RALGAPA2: variants seen among roughly 807,000 people sequenced by gnomAD.
RALGAPA2 encodes ral GTPase-activating protein subunit alpha-2.
RALGAPA2 carries 139 observed loss-of-function variants against 230.4 expected under a neutral mutation model. The ratio of observed to expected loss-of-function variants is 0.60; its 90% CI spans 0.53 to 0.69. The LOEUF is 0.69. RALGAPA2 is among the 30% of genes least tolerant of loss of function. RALGAPA2 has a pLI of 0.00. For missense variants in RALGAPA2, 2,163 were observed against 2,276.0 expected (o/e 0.95, Z 1.01); for synonymous variants, 847 against 837.8 (o/e 1.01, Z -0.19).
intron 37 of RALGAPA2, among the ~76,000 whole-genome samples, chr20:20,459,518 T>A (rs1339040092): frequency 6.6e-6 from 1 of 151,310 alleles, no homozygotes; most frequent in Non-Finnish European, 1.5e-5. Flanking sequence ...GCAGGTGTCC[T>A]CACCCACTAA....
intron 23 of RALGAPA2, among the ~76,000 whole-genome samples, chr20:20,560,957 C>G (rs1203683328): frequency 5.9e-5 from 9 of 152,186 alleles, no homozygotes; most frequent in Admixed American, 5.9e-4. Context: ...CATCAGAAAC[C>G]CGTTTCATGG....
In RALGAPA2 at chr20:20,531,654, T is replaced by C. The variant is rs772171195; in HGVS notation, c.3582+33A>G. ...ACTGTTAAATGCCTCAGATATGGCT[T>C]AATATCCAATCAGCACCACAAACTG... On this transcript the variant is annotated intron_variant, in intron 27 of 39. Transcript: ENST00000202677. 8.0e-6 allele frequency: 12 copies of C among 1,491,450 alleles called. No homozygotes were observed. The South Asian group carries it at 8.3e-5, about 10-fold the overall frequency. The allele number at this position is 1,491,450 out of a possible 1,614,324, so 92.4% of individuals were successfully genotyped here. A position where few individuals can be genotyped will look rare whatever the true frequency, so the allele number is the denominator to read the frequency against.
chr20:20,618,114 G>A (rs1346913673), intron 12 of RALGAPA2, among the ~76,000 whole-genome samples: 3 of 152,194 alleles, frequency 2.0e-5, no homozygotes, highest in East Asian at 1.9e-4. Context: ...ATTTAAAGTC[G>A]CCATTTCCAA....
At chr20:20,523,310 G>C (rs1024997869) in intron 30 of RALGAPA2, among the ~76,000 whole-genome samples, 1 of 152,062 alleles carries the variant, frequency 6.6e-6, no homozygotes, top group Non-Finnish European at 1.5e-5. Context: ...GGGAAGGGAT[G>C]GGGGGTTAAC....
chr20:20,705,376 C>T (rs983428877), intron 1 of RALGAPA2, among the ~76,000 whole-genome samples: 1 of 149,508 alleles, frequency 6.7e-6, no homozygotes, highest in Non-Finnish European at 1.5e-5. Context: ...CAGCTAATTT[C>T]TTCATTTTTT....
intron 31 of RALGAPA2, among the ~76,000 whole-genome samples, chr20:20,520,266 T>A (rs1015283563): frequency 7.2e-5 from 11 of 152,186 alleles, no homozygotes; most frequent in African/African-American, 2.4e-4. Context: ...TGTTTGGTTC[T>A]ATGCAATTTT....
At chr20:20,456,339 A>G (rs908569950) in intron 37 of RALGAPA2, among the ~76,000 whole-genome samples, 5 of 152,254 alleles carry the variant, frequency 3.3e-5, no homozygotes, top group African/African-American at 1.2e-4. Flanking sequence ...CTTGCTGACC[A>G]GTGGAGGGGC....
chr20:20,446,306 A>G (rs1279519574), intron 37 of RALGAPA2, among the ~76,000 whole-genome samples: 1 of 152,226 alleles, frequency 6.6e-6, no homozygotes, highest in Non-Finnish European at 1.5e-5. Context: ...ATGAAAAAAC[A>G]TTCTGAATAT....
chr20:20,447,062 G>A (rs2060880844), intron 37 of RALGAPA2, among the ~76,000 whole-genome samples: 1 of 152,166 alleles, frequency 6.6e-6, no homozygotes, highest in African/African-American at 2.4e-5. Context: ...TGCATATAAA[G>A]CAAAGATAAC....
intron 16 of RALGAPA2, among the ~76,000 whole-genome samples, chr20:20,599,888 G>A (rs1345515498): frequency 2.0e-5 from 3 of 151,776 alleles, no homozygotes; most frequent in East Asian, 1.9e-4. Context: ...TGGTAGAATC[G>A]CTTGAACCTG....
intron 20 of RALGAPA2, 117 bp downstream of exon 20, chr20:20,582,933 G>C (rs1211951072): frequency 9.0e-7 from 1 of 1,111,496 alleles, no homozygotes; most frequent in Non-Finnish European, 1.3e-6. Flanking sequence ...GTGGTCAGGA[G>C]CATGGCACAC....
intron 33 of RALGAPA2, among the ~76,000 whole-genome samples, chr20:20,507,160 A>AT (rs1441022457): frequency 1.3e-5 from 2 of 152,016 alleles, no homozygotes; most frequent in South Asian, 2.1e-4. Flanking sequence ...CATTTCAACC[A>AT]TTTTTTTAGT....
At chr20:20,457,799 C>T (rs949690226) in intron 37 of RALGAPA2, among the ~76,000 whole-genome samples, 7 of 152,348 alleles carry the variant, frequency 4.6e-5, no homozygotes, top group African/African-American at 1.7e-4. Flanking sequence ...TGTGGGAACA[C>T]ACAGCATGGG....
chr20:20,513,208 C>T lies in RALGAPA2; in HGVS notation c.4161G>A (p.Gly1387=). 3 of 1,518,474 alleles carry T rather than the reference C, an allele frequency of 2.0e-6. No individual in the cohort carries two copies. The highest frequency in any genetic ancestry group is 2.6e-6 in the Non-Finnish European group (3 of 1,136,156). The allele number at this position is 1,518,474 out of a possible 1,614,324, so 94.1% of individuals were successfully genotyped here. A position where few individuals can be genotyped will look rare whatever the true frequency, so the allele number is the denominator to read the frequency against. Residue 1387 remains glycine (G), a synonymous_variant, in exon 32 of 40, where the codon GGG becomes GGA. Transcript: ENST00000202677. ...MVMAHLVNHL[G]HYPLSGGPAI... is the part of the protein sequence containing the mutation. ...CAGGGCCCCCACTGAGGGGGTAGTG[C>T]CCCAGGTGGTTCACCAGGTGGGCCA...
chr20:20,563,890 T>C (rs1330930677), intron 23 of RALGAPA2, among the ~76,000 whole-genome samples: 1 of 151,296 alleles, frequency 6.6e-6, no homozygotes, highest in East Asian at 1.9e-4. Context: ...TATACACATA[T>C]AATGAATTAT....
Position 20,472,854 on chromosome 20 carries a change from A to ACTT in RALGAPA2, c.5467_5469dup (p.Lys1823dup). ...AAGCTCTGGTAGAGTGGGATGAGGC[A>ACTT]CTTCACAGCCCTGCTGGCGTTGATG... On this transcript the variant is annotated inframe_insertion, in exon 37 of 40. Transcript: ENST00000202677. The ACTT allele has an allele frequency of 6.2e-7, 1 of 1,613,522 alleles. No homozygotes were observed. Among genetic ancestry groups the ACTT allele is most frequent in the Non-Finnish European group, 8.5e-7 (1 of 1,179,640 alleles).
In RALGAPA2 at chr20:20,571,583, CT is replaced by C. The variant is rs1283128943; in HGVS notation, c.3030del (p.Gly1011AlafsTer8). On this transcript the variant is annotated frameshift_variant, in exon 23 of 40. Coordinates refer to ENST00000202677, the MANE Select transcript of RALGAPA2 (RefSeq NM_020343.4). LOFTEE classifies it high-confidence loss of function. ...KAATLPNEYK[E>X]GKLQAYRLIC... ...ATCAGCCTGTAGGCTTGTAGTTTGC[CT>C]TCCTTATATTCATTTGGCAGTGTCG... is the stretch of plus-strand genomic sequence containing the variant. 6.2e-7 allele frequency: 1 copy of C among 1,611,634 alleles called. No homozygotes were observed. The highest frequency in any genetic ancestry group is 1.7e-5 in the Admixed American group (1 of 59,658).
intron 4 of RALGAPA2, among the ~76,000 whole-genome samples, chr20:20,649,602 G>T (rs910284554): frequency 3.9e-5 from 6 of 152,008 alleles, no homozygotes; most frequent in Non-Finnish European, 8.8e-5. Context: ...TAAACCTAGG[G>T]ATTATTCATT....
chr20:20,398,268 C>G lies in RALGAPA2; in HGVS notation c.5618-1534G>C, dbSNP rs369511962. ...GCCCCTCAGCCCTGGTTATGCTGTG[C>G]GTACAGGCACCCGATTGGTAGAAAC... On this transcript the variant is annotated intron_variant, in intron 38 of 39. Transcript: ENST00000202677. This position sits in a 1 kb window ranked among gnomAD's most constrained non-coding sequence, Gnocchi z 4.5. 6.6e-6 allele frequency among the ~76,000 whole-genome samples: 1 copy of G among 152,186 alleles called. No individual in the cohort carries two copies. The highest frequency in any genetic ancestry group is 2.4e-5 in the African/African-American group (1 of 41,450).
Sources: gnomAD v4.1 joint callset for allele counts (sites outside exome capture counted in the v4.1 genomes callset) on GRCh38, gnomAD v4.1.1 for gene constraint, Gnocchi (gnomAD v3.1) non-coding constraint, MANE v1.5 for transcripts, NCBI Gene and HGNC (gene_info 2026-07-23, HGNC 2026-07-21) for gene names.